Variants in ARID4A observed in about 807,000 individuals in gnomAD.
ARID4A encodes the protein AT-rich interactive domain-containing protein 4A.
Under a neutral mutation model 148.6 loss-of-function variants are expected in ARID4A, and 39 were observed. That is an observed-to-expected ratio of 0.26 (90% CI 0.20 to 0.34). ARID4A has a LOEUF of 0.34. ARID4A is among the 10% of genes least tolerant of loss of function. The pLI is 1.00. For missense variants in ARID4A, 1,265 were observed against 1,449.1 expected (o/e 0.87, Z 2.06); for synonymous variants, 475 against 481.2 (o/e 0.99, Z 0.17).
chr14:58,327,915 T>C (rs2033306701), intron 8 of ARID4A, among the ~76,000 whole-genome samples: 1 of 152,170 alleles, frequency 6.6e-6, no homozygotes, highest in Non-Finnish European at 1.5e-5. Context: ...TCAAGCCATT[T>C]GTCCACCTTG....
intron 18 of ARID4A, among the ~76,000 whole-genome samples, chr14:58,359,964 G>A (rs2035061794): frequency 6.6e-6 from 1 of 152,074 alleles, no homozygotes. Flanking sequence ...TACTCGGGAG[G>A]CTGAGGCAGG....
rs539211591 is a variant in ARID4A, at chr14:58,340,645, C to T, written c.907-4050C>T. Among the ~76,000 whole-genome samples the T allele has an allele frequency of 3.9e-5, 6 of 152,190 alleles. No homozygotes were observed. The East Asian group carries it at 7.7e-4, about 20-fold the overall frequency. ...GATTACAGGCATGAGCCACTGTGCC[C>T]GGCCTAATTTTGTATTTTTAGTAGA... On this transcript the variant is annotated intron_variant, in intron 11 of 23. Transcript: ENST00000355431.
At chr14:58,331,404 C>T (rs1322200650) in intron 11 of ARID4A, 1 of 152,082 alleles carries the variant, frequency 6.6e-6, no homozygotes, top group African/African-American at 2.4e-5. Flanking sequence ...GATGCTATGC[C>T]CTAAGAGGGA....
intron 7 of ARID4A, among the ~76,000 whole-genome samples, chr14:58,322,020 T>C (rs1456715610): frequency 6.6e-6 from 1 of 151,816 alleles, no homozygotes; most frequent in Non-Finnish European, 1.5e-5. Flanking sequence ...ACCCAGACTG[T>C]AGTGTAGTGG....
At chr14:58,326,694 G>A (rs560869308) in intron 8 of ARID4A, among the ~76,000 whole-genome samples, 26 of 152,288 alleles carry the variant, frequency 1.7e-4, no homozygotes, top group African/African-American at 6.0e-4. Context: ...AGAAAGACTG[G>A]AGGTGGCAGG....
intron 15 of ARID4A, among the ~76,000 whole-genome samples, 180 bp from the exon 16 acceptor site, chr14:58,350,893 G>A (rs918871111): frequency 6.6e-6 from 1 of 152,090 alleles, no homozygotes; most frequent in African/African-American, 2.4e-5. Context: ...ACATAATTAA[G>A]TAATTCTATC....
chr14:58,307,894 G>C lies in ARID4A; in HGVS notation c.274+1782G>C, dbSNP rs146219793. On this transcript the variant is annotated intron_variant, in intron 5 of 23. Coordinates refer to ENST00000355431, the MANE Select transcript of ARID4A (RefSeq NM_002892.4). ...ATACATCTTTGCTTTATCAAACTAA[G>C]ACCTGATAAAAATTACAGGTGTGTG... Among the ~76,000 whole-genome samples the C allele has an allele frequency of 8.4e-3, 1,275 of 152,266 alleles. 9 individuals are homozygous for C. The highest frequency in any genetic ancestry group is 0.013 in the Non-Finnish European group (853 of 68,022).
At chr14:58,329,982 G>C in intron 10 of ARID4A, 21 bp from the exon 11 acceptor site, 1 of 1,590,120 alleles carries the variant, frequency 6.3e-7, no homozygotes, top group South Asian at 1.2e-5. Context: ...AGCAACTGCT[G>C]AAGTACATTT....
chr14:58,363,454 CT>C (rs1487465218), intron 19 of ARID4A, among the ~76,000 whole-genome samples: 2 of 152,148 alleles, frequency 1.3e-5, no homozygotes, highest in African/African-American at 2.4e-5. Flanking sequence ...AATCCCAGCA[CT>C]TTGGGAGGCT....
intron 5 of ARID4A, among the ~76,000 whole-genome samples, chr14:58,310,306 T>C (rs2031929123): frequency 6.6e-6 from 1 of 152,158 alleles, no homozygotes; most frequent in Non-Finnish European, 1.5e-5. Flanking sequence ...AACAGAACTA[T>C]TGAAGCTAAA....
intron 7 of ARID4A, among the ~76,000 whole-genome samples, 195 bp downstream of exon 7, chr14:58,319,000 C>A (rs1163604252): frequency 2.0e-5 from 3 of 152,200 alleles, no homozygotes; most frequent in African/African-American, 4.8e-5. Context: ...ACAACTCTTA[C>A]TTCTAATAGA....
chr14:58,344,717 A>G lies in ARID4A; in HGVS notation c.929A>G (p.Glu310Gly). ...CAGCCTGAGGAAGAACTTGATCCTGAAGAGAGGGACAACTTCCTCCAGCAG... is the reference window on the plus strand; with the variant it reads ...CAGCCTGAGGAAGAACTTGATCCTGGAGAGAGGGACAACTTCCTCCAGCAG... ...EEVPEEELDP[E>G]ERDNFLQQLY... The change falls in exon 12 of 24, where the codon GAA becomes GGA. Residue 310 changes from glutamate (E) to glycine (G), a missense_variant. By Grantham distance (98) the Glu-to-Gly change is moderately conservative (BLOSUM62 -2). This residue lies in a region of ARID4A where 249 missense variants were observed against 277.2 expected (regional missense o/e 0.90). Coordinates refer to ENST00000355431, the MANE Select transcript of ARID4A (RefSeq NM_002892.4). 1 of 1,612,910 alleles carries G rather than the reference A, an allele frequency of 6.2e-7. No individual in the cohort carries two copies. The highest frequency in any genetic ancestry group is 8.5e-7 in the Non-Finnish European group (1 of 1,179,206).
At chr14:58,351,813 A>T (rs1269554347) in intron 16 of ARID4A, 1 of 152,310 alleles carries the variant, frequency 6.6e-6, no homozygotes, top group Non-Finnish European at 1.5e-5. Flanking sequence ...TAGTTTGGAA[A>T]ATACATTCTT....
intron 6 of ARID4A, 25 bp downstream of exon 6, chr14:58,318,646 T>G (rs771102142): frequency 6.2e-7 from 1 of 1,613,762 alleles, no homozygotes; most frequent in East Asian, 2.2e-5. Flanking sequence ...ATGGACGATT[T>G]GGATTGAACT....
chr14:58,359,785 G>A (rs2035050726), intron 18 of ARID4A, among the ~76,000 whole-genome samples: 1 of 152,024 alleles, frequency 6.6e-6, no homozygotes, highest in South Asian at 2.1e-4. Context: ...TAATCATCTT[G>A]GCCGGGCATG....
chr14:58,329,954 C>G (rs1396900340), intron 10 of ARID4A, 49 bp from the exon 11 acceptor site: 1 of 1,561,592 alleles, frequency 6.4e-7, no homozygotes, highest in Admixed American at 2.1e-5. Flanking sequence ...TTCTATTGTT[C>G]TATGCTGCCA....
At chr14:58,329,857 T>C (rs1360624449) in intron 10 of ARID4A, 146 bp from the exon 11 acceptor site, 4 of 1,315,672 alleles carry the variant, frequency 3.0e-6, no homozygotes, top group Non-Finnish European at 4.1e-6. Flanking sequence ...ACATTATAAC[T>C]TATGAAATAT....
intron 19 of ARID4A, among the ~76,000 whole-genome samples, chr14:58,361,953 T>C (rs1440498241): frequency 6.6e-6 from 1 of 152,200 alleles, no homozygotes; most frequent in Non-Finnish European, 1.5e-5. Context: ...TTGAAGAAAA[T>C]ATTTTGCTGT....
At chr14:58,369,481 C>T (rs575339355) in intron 23 of ARID4A, among the ~76,000 whole-genome samples, 2 of 151,976 alleles carry the variant, frequency 1.3e-5, no homozygotes, top group South Asian at 4.2e-4. Context: ...CAAAAGTCAG[C>T]TGCGCATGGT....
Sources: gnomAD v4.1 joint callset for allele counts (sites outside exome capture counted in the v4.1 genomes callset) on GRCh38, gnomAD v4.1.1 for gene constraint, gnomAD v4.1.1 regional missense constraint, MANE v1.5 for transcripts, NCBI Gene and HGNC (gene_info 2026-07-23, HGNC 2026-07-21) for gene names.